NTRK3: variants seen among roughly 807,000 people sequenced by gnomAD.
NTRK3 encodes neurotrophic receptor tyrosine kinase 3, also known as NT-3 growth factor receptor.
Under a neutral mutation model 91.7 loss-of-function variants are expected in NTRK3, and 24 were observed. The observed-to-expected ratio is 0.26, with a 90% confidence interval of 0.19 to 0.37. The LOEUF (loss-of-function observed/expected upper bound fraction) is 0.37, where lower values mean the gene tolerates loss of function less well. Ranked by LOEUF, NTRK3 falls within the 10% of genes least tolerant of loss-of-function variation. NTRK3 has a pLI of 1.00. For synonymous variants in NTRK3, 483 were observed against 404.0 expected (o/e 1.20, Z -2.34); for missense variants, 880 against 1,068.9 (o/e 0.82, Z 2.46).
At chr15:88,064,017 C>T (rs1209462763) in intron 13 of NTRK3, among the ~76,000 whole-genome samples, 2 of 152,058 alleles carry the variant, frequency 1.3e-5, no homozygotes, top group Admixed American at 1.3e-4. Flanking sequence ...GGGATGAGAT[C>T]GTACAGGGTT....
intron 14 of NTRK3, among the ~76,000 whole-genome samples, chr15:88,032,105 C>A (rs908636971): frequency 3.9e-5 from 6 of 151,938 alleles, no homozygotes; most frequent in Admixed American, 1.3e-4. Context: ...GTAGGAGGAG[C>A]GGGGGTCTGC....
chr15:88,188,845 G>A (rs1033419588), intron 3 of NTRK3, among the ~76,000 whole-genome samples: 2 of 152,210 alleles, frequency 1.3e-5, no homozygotes, highest in African/African-American at 4.8e-5. Context: ...GGAACCCACT[G>A]GCCAAGAGCC....
chr15:88,124,826 A>G (rs2053116085), intron 13 of NTRK3, among the ~76,000 whole-genome samples: 1 of 152,226 alleles, frequency 6.6e-6, no homozygotes, highest in Non-Finnish European at 1.5e-5. Flanking sequence ...ATCCACCTTT[A>G]TAATTTGCCT....
chr15:88,015,739 T>C (rs775429897), intron 14 of NTRK3, among the ~76,000 whole-genome samples: 1 of 152,258 alleles, frequency 6.6e-6, no homozygotes, highest in East Asian at 1.9e-4. Context: ...CTCTGCAGCA[T>C]AGTAGTTGCT....
intron 7 of NTRK3, among the ~76,000 whole-genome samples, chr15:88,137,106 A>C (rs2041949077): frequency 6.6e-6 from 1 of 152,202 alleles, no homozygotes; most frequent in Non-Finnish European, 1.5e-5. Context: ...ACACTCCTTC[A>C]GGTTTGGTTG....
chr15:88,002,060 C>T (rs1323269648), intron 14 of NTRK3, among the ~76,000 whole-genome samples: 2 of 151,390 alleles, frequency 1.3e-5, no homozygotes, highest in Non-Finnish European at 2.9e-5. Context: ...ATAATAAAGT[C>T]CATGGGAGAT....
At chr15:87,886,669 CT>C (rs1458935044) in intron 17 of NTRK3, among the ~76,000 whole-genome samples, 2 of 47,812 alleles carry the variant, frequency 4.2e-5, no homozygotes, top group Non-Finnish European at 1.0e-4. Flanking sequence ...AAAAATCCCA[CT>C]TTTTGCTATA....
At chr15:88,201,625 G>T (rs1488910733) in intron 3 of NTRK3, among the ~76,000 whole-genome samples, 1 of 152,050 alleles carries the variant, frequency 6.6e-6, no homozygotes, top group South Asian at 2.1e-4. Context: ...CCCAATTCAC[G>T]CCATCTGGAC....
At chr15:88,239,005 G>A (rs1032601188) in intron 3 of NTRK3, among the ~76,000 whole-genome samples, 1 of 152,226 alleles carries the variant, frequency 6.6e-6, no homozygotes, top group African/African-American at 2.4e-5. Context: ...TGGCTGTGCG[G>A]ATTAAATGAG....
chr15:88,228,935 G>C (rs563406932), intron 3 of NTRK3, among the ~76,000 whole-genome samples: 17 of 152,108 alleles, frequency 1.1e-4, no homozygotes, highest in African/African-American at 3.9e-4. Flanking sequence ...GGAGTGTTGT[G>C]GGGGGACCTC....
chr15:88,139,940 G>A, intron 6 of NTRK3, among the ~76,000 whole-genome samples: 1 of 149,848 alleles, frequency 6.7e-6, no homozygotes, highest in Non-Finnish European at 1.5e-5. Context: ...GAGTGTGGGG[G>A]GTGGGGGTAA....
chr15:87,880,197 G>C (rs561717804), intron 18 of NTRK3, 73 bp downstream of exon 19: 23 of 1,591,000 alleles, frequency 1.4e-5, no homozygotes, highest in African/African-American at 2.7e-5. Flanking sequence ...TTGTTCAGTA[G>C]GTCCAAGTTC....
At chr15:88,156,687 C>T (rs913993648) in intron 5 of NTRK3, among the ~76,000 whole-genome samples, 1 of 152,312 alleles carries the variant, frequency 6.6e-6, no homozygotes, top group South Asian at 2.1e-4. Flanking sequence ...CCGCTTTCTC[C>T]CACTGCATTT....
chr15:88,074,460 G>A (rs2047362218), intron 13 of NTRK3, among the ~76,000 whole-genome samples: 1 of 152,188 alleles, frequency 6.6e-6, no homozygotes, highest in Admixed American at 6.5e-5. Context: ...CCATCGTATT[G>A]GAGAGTGCAG....
At chr15:87,988,988 G>T (rs1480149292) in intron 14 of NTRK3, among the ~76,000 whole-genome samples, 1 of 151,836 alleles carries the variant, frequency 6.6e-6, no homozygotes, top group Non-Finnish European at 1.5e-5. Flanking sequence ...TGCAATCTTG[G>T]CTCACTGCAA....
intron 13 of NTRK3, among the ~76,000 whole-genome samples, chr15:88,070,832 C>T (rs1238171437): frequency 6.6e-6 from 1 of 152,050 alleles, no homozygotes; most frequent in African/African-American, 2.4e-5. Flanking sequence ...GCCTCAGGAC[C>T]ACATTTAACC....
chr15:87,995,962 G>A (rs183140472), intron 14 of NTRK3, among the ~76,000 whole-genome samples: 5 of 152,172 alleles, frequency 3.3e-5, no homozygotes, highest in Admixed American at 6.5e-5. Context: ...CATAAAAACC[G>A]GCTGGGTGTG....
At chr15:87,874,165 T>G (rs2064891104) in exon 19 of NTRK3, 1 of 126,784 alleles carries the variant, frequency 7.9e-6, no homozygotes, top group African/African-American at 4.5e-5. Flanking sequence ...TACCCTGCAA[T>G]TTCCATGGCC....
At chr15:88,034,804 G>C (rs180903857) in intron 13 of NTRK3, among the ~76,000 whole-genome samples, 1 of 152,200 alleles carries the variant, frequency 6.6e-6, no homozygotes, top group Non-Finnish European at 1.5e-5. Flanking sequence ...TTTGGAGACC[G>C]TATGGAAAAG....
Sources: allele counts gnomAD v4.1 joint callset (sites outside exome capture counted in the v4.1 genomes callset), GRCh38; gene constraint gnomAD v4.1.1; transcripts MANE v1.5; gene names NCBI Gene and HGNC (gene_info 2026-07-23, HGNC 2026-07-21).